Variants in MCC observed in about 807,000 individuals in gnomAD.
MCC encodes the protein colorectal mutant cancer protein.
Under a neutral mutation model 116.2 loss-of-function variants are expected in MCC, and 90 were observed. The ratio of observed to expected loss-of-function variants is 0.77; its 90% confidence interval spans 0.65 to 0.92. The LOEUF (loss-of-function observed/expected upper bound fraction) is 0.92. Ranked by LOEUF, MCC falls within the 40% of genes least tolerant of loss-of-function variation. The pLI is 0.00. For missense variants in MCC, 1,516 were observed against 1,312.2 expected, an observed-to-expected ratio of 1.16 and a Z score of -2.40; for synonymous variants, 578 against 510.5, an observed-to-expected ratio of 1.13 and a Z score of -1.78.
intron 3 of MCC, among the ~76,000 whole-genome samples, chr5:113,319,204 G>A (rs1309522587): frequency 1.3e-5 from 2 of 152,178 alleles, no homozygotes; most frequent in African/African-American, 4.8e-5. Context: ...AACTGTAAGT[G>A]GCATAAGCAG....
At chr5:113,453,895 G>T (rs1471729976) in intron 1 of MCC, among the ~76,000 whole-genome samples, 1 of 152,108 alleles carries the variant, frequency 6.6e-6, no homozygotes, top group Admixed American at 6.6e-5. Context: ...TGGATCACCT[G>T]AGGTTGGGAG....
chr5:113,130,359 C>T (rs1038487035), intron 5 of MCC, among the ~76,000 whole-genome samples: 5 of 151,986 alleles, frequency 3.3e-5, no homozygotes, highest in African/African-American at 9.7e-5. Flanking sequence ...AGGTGAAAGA[C>T]AGCATTAGGA....
chr5:113,122,648 AAACTCTGGCTT>A (rs773104925), intron 6 of MCC, 25 bp downstream of exon 6: 1 of 1,603,926 alleles, frequency 6.2e-7, no homozygotes, highest in South Asian at 1.1e-5. Flanking sequence ...TCCAGAAACC[AAACTCTGGCTT>A]GGTGGCAAGG....
chr5:113,421,609 C>G lies in MCC; in HGVS notation c.171-36397G>C, dbSNP rs573749482. ...TTTCCAAGCTCACATTTACAAGACC[C>G]TTTCGCTCATCTGGGTCAGACTGTC... On this transcript the variant is annotated intron_variant, in intron 1 of 18. Transcript: ENST00000408903. 5.3e-5 allele frequency among the ~76,000 whole-genome samples: 8 copies of G among 152,284 alleles called. 2 individuals are homozygous for G. Among genetic ancestry groups the G allele is most frequent in the Admixed American group, 5.2e-4 (8 of 15,296 alleles).
chr5:113,100,420 G>C (rs1021380663), intron 8 of MCC, among the ~76,000 whole-genome samples: 2 of 147,548 alleles, frequency 1.4e-5, no homozygotes, highest in African/African-American at 5.0e-5. Context: ...AAGGGAGCAA[G>C]AGCAATGGTG....
intron 2 of MCC, among the ~76,000 whole-genome samples, chr5:113,357,099 T>C (rs1337501005): frequency 6.6e-6 from 1 of 152,252 alleles, no homozygotes; most frequent in Non-Finnish European, 1.5e-5. Context: ...GCAAGTTATT[T>C]AGCCTCAGTT....
At position 113,143,462 on chromosome 5, in the gene MCC, G is replaced by A; in HGVS notation, c.742-102C>T. On this transcript the variant is annotated intron_variant, in intron 4 of 18. Coordinates refer to ENST00000408903, the MANE Select transcript of MCC (RefSeq NM_001085377.2). ...TTAAACCATTACAACTGCCAACACT[G>A]AGTATGCCCCAAATAAAATGTATGT... is the stretch of plus-strand genomic sequence containing the variant. The A allele has an allele frequency of 3.3e-6, 4 of 1,209,178 alleles. No individual in the cohort carries two copies. The South Asian group carries it at 4.0e-5, about 12-fold the overall frequency. 74.9% of individuals were successfully genotyped at this position (1,209,178 alleles called of 1,614,324 possible).
intron 1 of MCC, among the ~76,000 whole-genome samples, chr5:113,451,828 C>T (rs1561579800): frequency 1.3e-5 from 2 of 152,230 alleles, no homozygotes. Context: ...TGCTGTGTAA[C>T]AAACCAATCT....
chr5:113,360,873 C>T (rs1459793249), intron 2 of MCC, among the ~76,000 whole-genome samples: 2 of 152,158 alleles, frequency 1.3e-5, no homozygotes, highest in African/African-American at 4.8e-5. Flanking sequence ...GACTCAGTTG[C>T]TACCTGTGCA....
At chr5:113,166,720 A>AC (rs1760791452) in intron 3 of MCC, among the ~76,000 whole-genome samples, 1 of 134,666 alleles carries the variant, frequency 7.4e-6, no homozygotes, top group African/African-American at 2.7e-5. Flanking sequence ...AAAAAAAAAA[A>AC]AACAACCAAA....
At chr5:113,141,078 T>C (rs1375906793) in intron 5 of MCC, among the ~76,000 whole-genome samples, 1 of 152,036 alleles carries the variant, frequency 6.6e-6, no homozygotes, top group Non-Finnish European at 1.5e-5. Context: ...TGGCTAGGGG[T>C]CTGGATAGAA....
chr5:113,299,187 C>T (rs1156946954), intron 3 of MCC, among the ~76,000 whole-genome samples: 2 of 151,562 alleles, frequency 1.3e-5, no homozygotes, highest in Admixed American at 6.6e-5. Context: ...ACTCAGGAGG[C>T]TGAGGCAGGA....
chr5:113,267,874 G>A (rs1211745559), intron 3 of MCC, among the ~76,000 whole-genome samples: 1 of 152,182 alleles, frequency 6.6e-6, no homozygotes, highest in Non-Finnish European at 1.5e-5. Flanking sequence ...ACATTTCAAA[G>A]CTATTAAACC....
chr5:113,315,354 A>G (rs1430868548), intron 3 of MCC, among the ~76,000 whole-genome samples: 2 of 152,208 alleles, frequency 1.3e-5, no homozygotes, highest in African/African-American at 4.8e-5. Flanking sequence ...AAATATAGTT[A>G]TGTATCTAGT....
At chr5:113,150,929 A>G (rs1759822631) in intron 4 of MCC, among the ~76,000 whole-genome samples, 1 of 152,108 alleles carries the variant, frequency 6.6e-6, no homozygotes, top group Non-Finnish European at 1.5e-5. Context: ...TGGTAGTCCC[A>G]GCTACTTGGG....
At chr5:113,031,242 C>A (rs959916820) in intron 17 of MCC, among the ~76,000 whole-genome samples, 3 of 152,134 alleles carry the variant, frequency 2.0e-5, no homozygotes, top group Admixed American at 6.5e-5. Context: ...TTCAGTAAAT[C>A]CTCCTACCCG....
intron 13 of MCC, among the ~76,000 whole-genome samples, chr5:113,066,353 G>C (rs2150231136): frequency 6.6e-6 from 1 of 152,172 alleles, no homozygotes; most frequent in South Asian, 2.1e-4. Context: ...CCTGACAGCA[G>C]GCCAAGATCA....
chr5:113,332,095 A>G (rs976104113), intron 3 of MCC, among the ~76,000 whole-genome samples: 1 of 151,726 alleles, frequency 6.6e-6, no homozygotes, highest in Non-Finnish European at 1.5e-5. Flanking sequence ...ATCTCCTTGA[A>G]AGATCTCATT....
chr5:113,034,026 A>G (rs938931748), intron 17 of MCC, among the ~76,000 whole-genome samples: 5 of 151,424 alleles, frequency 3.3e-5, no homozygotes, highest in African/African-American at 1.2e-4. Flanking sequence ...GGCTGGGACT[A>G]CAGGTGTGTG....
Sources: gnomAD v4.1 joint callset for allele counts (sites outside exome capture counted in the v4.1 genomes callset) on GRCh38, gnomAD v4.1.1 for gene constraint, MANE v1.5 for transcripts, NCBI Gene and HGNC (gene_info 2026-07-23, HGNC 2026-07-21) for gene names.